Variants in DLG2 observed in about 807,000 individuals in gnomAD.
DLG2 encodes disks large homolog 2.
DLG2 carries 45 observed loss-of-function variants against 132.5 expected under a neutral mutation model. That is an observed-to-expected ratio of 0.34 (90% CI 0.27 to 0.44). DLG2 has a LOEUF of 0.44. DLG2 is among the 20% of genes least tolerant of loss of function. The probability of loss-of-function intolerance (pLI) is 1.00; values close to 1 mark genes in which losing one functional copy is unlikely to be tolerated. For synonymous variants in DLG2, 424 were observed against 419.6 expected (o/e 1.01, Z -0.13); for missense variants, 1,045 against 1,196.9 (o/e 0.87, Z 1.87).
chr11:85,509,994 G>A (rs1286959477), intron 3 of DLG2: 1 of 151,480 alleles, frequency 6.6e-6, no homozygotes, highest in Non-Finnish European at 1.5e-5. Context: ...AAGATTAGCA[G>A]GGCCCCTACA....
At chr11:85,584,082 T>G (rs2078803245) in intron 3 of DLG2, among the ~76,000 whole-genome samples, 1 of 152,174 alleles carries the variant, frequency 6.6e-6, no homozygotes, top group Admixed American at 6.5e-5. Flanking sequence ...AGTGGTGATT[T>G]CCAAGATTTT....
intron 5 of DLG2, among the ~76,000 whole-genome samples, chr11:85,118,162 T>C (rs2073893210): frequency 6.6e-6 from 1 of 152,100 alleles, no homozygotes; most frequent in Admixed American, 6.6e-5. Flanking sequence ...ATGTTTAAAA[T>C]AAGTTGGCCT....
chr11:85,224,919 C>T (rs780854877), intron 4 of DLG2, among the ~76,000 whole-genome samples: 2 of 152,076 alleles, frequency 1.3e-5, no homozygotes, highest in Non-Finnish European at 2.9e-5. Flanking sequence ...TAATGTTACC[C>T]TACCTTTTAT....
chr11:85,168,234 A>C (rs1333782034), intron 4 of DLG2, among the ~76,000 whole-genome samples: 1 of 152,194 alleles, frequency 6.6e-6, no homozygotes, highest in African/African-American at 2.4e-5. Flanking sequence ...AAAAGTCACT[A>C]TAAAACCATG....
intron 10 of DLG2, among the ~76,000 whole-genome samples, chr11:84,065,540 G>C (rs1441851620): frequency 6.6e-6 from 1 of 152,218 alleles, no homozygotes; most frequent in Non-Finnish European, 1.5e-5. Flanking sequence ...CAATCTGAAT[G>C]ACTATTATTA....
Position 84,213,496 on chromosome 11 carries a change from AT to A in DLG2, c.573+37741del, listed in dbSNP as rs2096784958. Reference sequence around the variant, plus strand: ...CCCAAGAGTTTATTAAAAATGTAAAATTTCCAGACTTAAGACCTACTAAATT... The same window carrying A: ...CCCAAGAGTTTATTAAAAATGTAAAATTCCAGACTTAAGACCTACTAAATT... On this transcript the variant is annotated intron_variant, in intron 8 of 27. Transcript: ENST00000376104. 2.0e-5 allele frequency among the ~76,000 whole-genome samples: 3 copies of A among 152,078 alleles called. No homozygotes were observed. In the South Asian group the frequency reaches 6.2e-4, roughly 32 times the overall value.
chr11:84,027,763 C>T (rs1359246974), intron 11 of DLG2, among the ~76,000 whole-genome samples: 4 of 151,956 alleles, frequency 2.6e-5, no homozygotes, highest in African/African-American at 4.8e-5. Flanking sequence ...ACTTAGTAGA[C>T]TCAAGAATGA....
chr11:83,960,255 T>A (rs12295779), intron 14 of DLG2, among the ~76,000 whole-genome samples: 20,465 of 152,014 alleles, frequency 0.13, 1,721 homozygotes, highest in African/African-American at 0.22. Flanking sequence ...ATTCATGTAA[T>A]ACTCATACTC....
chr11:84,062,944 A>C (rs2096614898), intron 10 of DLG2, among the ~76,000 whole-genome samples: 4 of 152,140 alleles, frequency 2.6e-5, no homozygotes, highest in Admixed American at 6.6e-5. Flanking sequence ...GAGTAAAGCC[A>C]CCAACTGTAT....
chr11:83,577,472 A>AAATAGGATATATTATATATATATAT lies in DLG2; in HGVS notation c.1941-35639_1941-35615dup, dbSNP rs1306461853. ...GGAACTAATAGGATATATATATATA[A>AAATAGGATATATTATATATATATAT]AATAGGATATATTATATATATATAT... is the stretch of plus-strand genomic sequence containing the variant. On this transcript the variant is annotated intron_variant, in intron 19 of 27. Coordinates refer to ENST00000376104, the MANE Select transcript of DLG2 (RefSeq NM_001142699.3). 2.3e-3 allele frequency among the ~76,000 whole-genome samples: 299 copies of AAATAGGATATATTATATATATATAT among 131,340 alleles called. 1 individual carries two copies. Among genetic ancestry groups the AAATAGGATATATTATATATATATAT allele is most frequent in the South Asian group, 7.0e-3 (32 of 4,560 alleles). 86.2% of individuals were successfully genotyped at this position (131,340 alleles called of 152,430 possible).
intron 15 of DLG2, among the ~76,000 whole-genome samples, chr11:83,889,559 G>C (rs1440411838): frequency 6.6e-6 from 1 of 152,154 alleles, no homozygotes; most frequent in Admixed American, 6.5e-5. Flanking sequence ...TGATTCCTCA[G>C]GGATCTAGAA....
intron 3 of DLG2, among the ~76,000 whole-genome samples, chr11:85,380,971 A>G (rs1191599169): frequency 6.6e-6 from 1 of 152,246 alleles, no homozygotes; most frequent in Non-Finnish European, 1.5e-5. Flanking sequence ...GAGTTACAGA[A>G]AAATCACATG....
intron 3 of DLG2, among the ~76,000 whole-genome samples, chr11:85,506,660 G>A (rs1397898850): frequency 6.6e-6 from 1 of 152,224 alleles, no homozygotes; most frequent in Non-Finnish European, 1.5e-5. Context: ...TTTGGAATAA[G>A]TGCAATGTGG....
intron 4 of DLG2, among the ~76,000 whole-genome samples, chr11:85,263,776 A>G (rs1224005044): frequency 6.6e-6 from 1 of 152,212 alleles, no homozygotes; most frequent in East Asian, 1.9e-4. Flanking sequence ...GCTGGAAAAC[A>G]GGAAAGGGGG....
At chr11:84,460,625 CATT>C (rs962030013) in intron 7 of DLG2, among the ~76,000 whole-genome samples, 4 of 150,568 alleles carry the variant, frequency 2.7e-5, no homozygotes, top group Non-Finnish European at 4.5e-5. Flanking sequence ...TTACTTCAAA[CATT>C]AATAAATGAA....
chr11:85,201,136 GCCAACAAGA>G (rs2081427532), intron 4 of DLG2, among the ~76,000 whole-genome samples: 1 of 152,100 alleles, frequency 6.6e-6, no homozygotes, highest in Non-Finnish European at 1.5e-5. Flanking sequence ...TCCCCTCTTA[GCCAACAAGA>G]CCAGCCCCTC....
chr11:83,775,997 C>T (rs573391855), intron 18 of DLG2, among the ~76,000 whole-genome samples: 3 of 152,054 alleles, frequency 2.0e-5, no homozygotes, highest in African/African-American at 7.2e-5. Flanking sequence ...GAGGCTGAGG[C>T]AGGAGAATGG....
rs557996470 is a variant in DLG2, at chr11:84,989,381, G to T, written c.357+122280C>A. Among the ~76,000 whole-genome samples, 21 of 152,162 alleles carry T rather than the reference G, an allele frequency of 1.4e-4. No homozygotes were observed. In the East Asian group the frequency reaches 3.9e-3, roughly 28 times the overall value. ...AGTAGAGATGGGGTTTCACCATGTT[G>T]GCCGGGGTGGTCTCAAACTCTTGAC... On this transcript the variant is annotated intron_variant, in intron 6 of 27. Coordinates refer to ENST00000376104, the MANE Select transcript of DLG2 (RefSeq NM_001142699.3).
intron 6 of DLG2, among the ~76,000 whole-genome samples, chr11:84,635,336 A>G (rs1380383564): frequency 6.6e-6 from 1 of 152,028 alleles, no homozygotes; most frequent in Non-Finnish European, 1.5e-5. Context: ...GATGCCCATT[A>G]CCACTCTTGG....
Sources: gnomAD v4.1 joint callset for allele counts (sites outside exome capture counted in the v4.1 genomes callset) on GRCh38, gnomAD v4.1.1 for gene constraint, MANE v1.5 for transcripts, NCBI Gene and HGNC (gene_info 2026-07-23, HGNC 2026-07-21) for gene names.